RNF216: variants seen among roughly 807,000 people sequenced by gnomAD.
RNF216 encodes E3 ubiquitin-protein ligase RNF216.
Under a neutral mutation model 110.8 loss-of-function variants are expected in RNF216, and 72 were observed. That is an observed-to-expected ratio of 0.65 (90% confidence interval 0.54 to 0.79). The LOEUF (loss-of-function observed/expected upper bound fraction) is 0.79. Ranked by LOEUF, RNF216 falls within the 30% of genes least tolerant of loss-of-function variation. The pLI is 0.00. For synonymous variants in RNF216, 495 were observed against 407.5 expected (o/e 1.21, Z -2.59); for missense variants, 1,342 against 1,141.2 (o/e 1.18, Z -2.54).
At chr7:5,684,024 T>C (rs1790818559) in intron 13 of RNF216, among the ~76,000 whole-genome samples, 2 of 151,428 alleles carry the variant, frequency 1.3e-5, no homozygotes, top group African/African-American at 4.9e-5. Context: ...CAGCAGCAAG[T>C]TGATTTGGTC....
intron 1 of RNF216, among the ~76,000 whole-genome samples, chr7:5,763,105 G>C (rs1001027198): frequency 1.3e-5 from 2 of 152,106 alleles, no homozygotes; most frequent in African/African-American, 2.4e-5. Flanking sequence ...TCATATGAGA[G>C]TAATGGGGAC....
In RNF216 at chr7:5,680,143, G is replaced by T. The variant is rs1218120690; in HGVS notation, c.2062-27633C>A. 6.6e-6 allele frequency among the ~76,000 whole-genome samples: 1 copy of T among 152,160 alleles called. No homozygotes were observed. On this transcript the variant is annotated intron_variant, in intron 13 of 16. Coordinates refer to ENST00000389902, the MANE Select transcript of RNF216 (RefSeq NM_207111.4). The surrounding 1 kb of genome is among the most constrained non-coding windows in gnomAD (Gnocchi z 4.3). ...CAAGGGACATCTCCCCCACGAGCTG[G>T]CCCTGAAGCTTCCAGCCTCCTCAGA...
chr7:5,765,125 AAG>A (rs1796135793), intron 1 of RNF216, among the ~76,000 whole-genome samples: 1 of 151,856 alleles, frequency 6.6e-6, no homozygotes, highest in African/African-American at 2.4e-5. Flanking sequence ...TTCAAAGACT[AAG>A]AGAGTTTACC....
At chr7:5,722,482 C>CCG (rs1562430091) in intron 8 of RNF216, among the ~76,000 whole-genome samples, 1 of 151,550 alleles carries the variant, frequency 6.6e-6, no homozygotes, top group African/African-American at 2.4e-5. Context: ...CTCCGCCCCC[C>CCG]GGGGTTCACG....
At chr7:5,734,804 A>C (rs1794295853) in intron 5 of RNF216, among the ~76,000 whole-genome samples, 1 of 132,960 alleles carries the variant, frequency 7.5e-6, no homozygotes. Flanking sequence ...AGCTTGGGCG[A>C]CAAGGGCAAA....
Position 5,641,055 on chromosome 7 carries a change from C to G in RNF216, c.2382+99G>C, listed in dbSNP as rs1486409284. 3 of 978,160 alleles carry G rather than the reference C, an allele frequency of 3.1e-6. No individual in the cohort carries two copies. In the African/African-American group the frequency reaches 5.0e-5, roughly 16 times the overall value. The allele number at this position is 978,160 out of a possible 1,614,324, so 60.6% of individuals were successfully genotyped here. On this transcript the variant is annotated intron_variant, in intron 15 of 16. Transcript: ENST00000389902. ...TCTATGTAATTTCCTATATTCTTCT[C>G]CTAAGTCAAATTTTGTTACGTATAT...
intron 5 of RNF216, among the ~76,000 whole-genome samples, chr7:5,737,045 G>T (rs1416094209): frequency 6.6e-6 from 1 of 152,270 alleles, no homozygotes; most frequent in East Asian, 1.9e-4. Context: ...TATTGAGAAC[G>T]GGCCATGATG....
At chr7:5,776,463 C>T (rs1446711907) in intron 1 of RNF216, among the ~76,000 whole-genome samples, 4 of 150,620 alleles carry the variant, frequency 2.7e-5, no homozygotes, top group East Asian at 3.9e-4. Flanking sequence ...GGCGTGGTGG[C>T]GGGCGCCTGT....
At chr7:5,641,731 T>G (rs1012524954) in intron 14 of RNF216, among the ~76,000 whole-genome samples, 1 of 152,138 alleles carries the variant, frequency 6.6e-6, no homozygotes, top group African/African-American at 2.4e-5. Flanking sequence ...GGAATCCCTG[T>G]AGGCTTAAAA....
At chr7:5,765,637 C>G (rs117056884) in intron 1 of RNF216, among the ~76,000 whole-genome samples, 5,997 of 150,638 alleles carry the variant, frequency 0.04, 176 homozygotes, top group East Asian at 0.067. Flanking sequence ...CTGAAACAAA[C>G]AAAAAGCATG....
chr7:5,772,584 G>A (rs564509984), intron 1 of RNF216, among the ~76,000 whole-genome samples: 2 of 152,200 alleles, frequency 1.3e-5, no homozygotes, highest in South Asian at 4.1e-4. Flanking sequence ...CTGTGCCTCA[G>A]AGGCAGTAAG....
intron 13 of RNF216, among the ~76,000 whole-genome samples, chr7:5,707,044 G>T (rs949822624): frequency 6.6e-6 from 1 of 152,152 alleles, no homozygotes; most frequent in Non-Finnish European, 1.5e-5. Flanking sequence ...CTTTTCCCCC[G>T]GTGGGTGTTC....
chr7:5,620,185 TTTC>T lies in RNF216; in HGVS notation c.*2672_*2674del, dbSNP rs763439593. ...AAGAAAAAGTTTAATGAACTAATCG[TTTC>T]TTGTTTTTATACAAAGTGACAGATC... On this transcript the variant is annotated 3_prime_UTR_variant, in exon 17 of 17. Transcript: ENST00000389902. 13 of 152,266 alleles carry T rather than the reference TTTC, an allele frequency of 8.5e-5. No homozygotes were observed. The highest frequency in any genetic ancestry group is 1.7e-4 in the African/African-American group (7 of 41,470). The allele number at this position is 152,266 out of a possible 1,614,324, so 9.4% of individuals were successfully genotyped here.
rs141095885 is a variant in RNF216 at position 5,651,345 on chromosome 7, G to T, written c.2159+1068C>A. Among the ~76,000 whole-genome samples the T allele has an allele frequency of 4.9e-3, 739 of 152,008 alleles. 16 individuals are homozygous for T. Among genetic ancestry groups the T allele is most frequent in the East Asian group, 0.036 (188 of 5,160 alleles). On this transcript the variant is annotated intron_variant, in intron 14 of 16. Transcript: ENST00000389902. ...TGGTTCAAGCAATTCTCTTGCCTTA[G>T]CCTCCCAAGTAGCTGGGACTACAGG...
chr7:5,715,274 AC>A (rs918230168), intron 10 of RNF216, 84 bp from the exon 11 acceptor site: 17 of 1,416,296 alleles, frequency 1.2e-5, no homozygotes, highest in South Asian at 2.6e-5. Flanking sequence ...TCTCTCTGCC[AC>A]CCCCCACACA....
chr7:5,768,748 G>A (rs924495610), intron 1 of RNF216, among the ~76,000 whole-genome samples: 30 of 148,872 alleles, frequency 2.0e-4, no homozygotes, highest in Non-Finnish European at 3.5e-4. Context: ...TGCAAGCTCC[G>A]CCTCCCGGGT....
chr7:5,625,297 C>T (rs541178557), intron 15 of RNF216, among the ~76,000 whole-genome samples: 2 of 152,224 alleles, frequency 1.3e-5, no homozygotes, highest in African/African-American at 2.4e-5. Flanking sequence ...ATGGTGGTCC[C>T]TGATATCGTG....
chr7:5,779,844 ATGCT>A (rs1796983813), intron 1 of RNF216: 1 of 89,420 alleles, frequency 1.1e-5, no homozygotes, highest in African/African-American at 4.4e-5. Context: ...AAAAAAAAAA[ATGCT>A]CAATGAATGG....
At chr7:5,678,565 G>A (rs887088414) in intron 13 of RNF216, among the ~76,000 whole-genome samples, 1 of 152,210 alleles carries the variant, frequency 6.6e-6, no homozygotes, top group South Asian at 2.1e-4. Context: ...TCAGGTGAGT[G>A]ACCTCACCTC....
Sources: gnomAD v4.1 joint callset for allele counts (sites outside exome capture counted in the v4.1 genomes callset) on GRCh38, gnomAD v4.1.1 for gene constraint, Gnocchi (gnomAD v3.1) non-coding constraint, MANE v1.5 for transcripts, NCBI Gene and HGNC (gene_info 2026-07-23, HGNC 2026-07-21) for gene names.